Variants in ATF6 observed in about 807,000 individuals in gnomAD.
The protein encoded by ATF6 is activating transcription factor 6, also known as cyclic AMP-dependent transcription factor ATF-6 alpha.
Under a neutral mutation model 83.6 loss-of-function variants are expected in ATF6, and 53 were observed. That is an observed-to-expected ratio of 0.63 (90% CI 0.51 to 0.80). ATF6 has a LOEUF of 0.80. Ranked by LOEUF, ATF6 falls within the 30% of genes least tolerant of loss-of-function variation. ATF6 has a pLI of 0.00. For synonymous variants in ATF6, 288 were observed against 285.8 expected, an observed-to-expected ratio of 1.01 and a Z score of -0.08; for missense variants, 744 against 797.9, an observed-to-expected ratio of 0.93 and a Z score of 0.81.
At chr1:161,791,593 C>T in intron 5 of ATF6, 56 bp downstream of exon 5, 1 of 1,520,088 alleles carries the variant, frequency 6.6e-7, no homozygotes, top group African/African-American at 1.4e-5. Flanking sequence ...GCTTAGGTTC[C>T]ATTTCTTAAA....
chr1:161,815,663 A>G (rs894081538), intron 7 of ATF6, among the ~76,000 whole-genome samples: 3 of 150,958 alleles, frequency 2.0e-5, no homozygotes, highest in Non-Finnish European at 4.4e-5. Context: ...TGATAATTAA[A>G]TTGATAATTA....
intron 14 of ATF6, among the ~76,000 whole-genome samples, chr1:161,887,391 A>G (rs955784927): frequency 3.9e-5 from 6 of 152,128 alleles, no homozygotes; most frequent in Non-Finnish European, 5.9e-5. Flanking sequence ...GAAGCATTTT[A>G]TGATGCTCAC....
chr1:161,838,279 T>A (rs1686270971), intron 9 of ATF6, among the ~76,000 whole-genome samples: 1 of 152,226 alleles, frequency 6.6e-6, no homozygotes, highest in African/African-American at 2.4e-5. Context: ...CACACACCTT[T>A]TATATTAAAC....
intron 1 of ATF6, among the ~76,000 whole-genome samples, chr1:161,773,000 C>T (rs1464919948): frequency 2.3e-5 from 3 of 127,712 alleles, no homozygotes; most frequent in African/African-American, 8.9e-5. Flanking sequence ...CAGAGTCTTG[C>T]TCTGTTGCCC....
chr1:161,791,273 A>T (rs773869088), intron 4 of ATF6, 135 bp from the exon 5 acceptor site: 6 of 573,004 alleles, frequency 1.0e-5, no homozygotes, highest in Non-Finnish European at 1.7e-5. Context: ...TAATATATAT[A>T]TACAGTTTCT....
intron 7 of ATF6, among the ~76,000 whole-genome samples, chr1:161,817,364 G>A (rs1685636228): frequency 6.6e-6 from 1 of 152,124 alleles, no homozygotes; most frequent in Admixed American, 6.5e-5. Flanking sequence ...CAGCACTCTA[G>A]TATTAATTAT....
At chr1:161,878,140 G>A (rs1353197379) in intron 14 of ATF6, among the ~76,000 whole-genome samples, 1 of 151,996 alleles carries the variant, frequency 6.6e-6, no homozygotes, top group Admixed American at 6.6e-5. Context: ...TTGGAGACGA[G>A]TCTTATTCCA....
chr1:161,785,833 C>T (rs1313597023), intron 4 of ATF6, among the ~76,000 whole-genome samples: 1 of 152,088 alleles, frequency 6.6e-6, no homozygotes, highest in Admixed American at 6.5e-5. Flanking sequence ...GCCTGTTTTC[C>T]CATCATCACT....
At chr1:161,841,683 G>A (rs750053614) in intron 9 of ATF6, among the ~76,000 whole-genome samples, 4 of 152,096 alleles carry the variant, frequency 2.6e-5, no homozygotes, top group African/African-American at 4.8e-5. Flanking sequence ...TTTTTGTGAA[G>A]CTCATTGAAT....
intron 14 of ATF6, among the ~76,000 whole-genome samples, chr1:161,873,817 T>A (rs1687161142): frequency 6.6e-6 from 1 of 151,640 alleles, no homozygotes; most frequent in African/African-American, 2.4e-5. Context: ...ACCCTCTATC[T>A]TAGTCATGAC....
chr1:161,877,915 A>AT (rs1687248482), intron 14 of ATF6, among the ~76,000 whole-genome samples: 1 of 152,052 alleles, frequency 6.6e-6, no homozygotes, highest in Admixed American at 6.6e-5. Context: ...AAGGACTATC[A>AT]TTTTTTACTA....
At chr1:161,784,364 T>C (rs1684700150) in intron 4 of ATF6, among the ~76,000 whole-genome samples, 1 of 152,232 alleles carries the variant, frequency 6.6e-6, no homozygotes, top group Non-Finnish European at 1.5e-5. Context: ...AGTATTTGTT[T>C]ATTGGCTTAC....
intron 15 of ATF6, among the ~76,000 whole-genome samples, chr1:161,920,730 C>T (rs909203231): frequency 6.6e-6 from 1 of 151,722 alleles, no homozygotes; most frequent in Non-Finnish European, 1.5e-5. Context: ...TTGGCCTTTC[C>T]CAGATGATCA....
intron 14 of ATF6, among the ~76,000 whole-genome samples, chr1:161,880,121 G>C (rs906812577): frequency 9.9e-5 from 15 of 151,986 alleles, no homozygotes; most frequent in Admixed American, 9.8e-4. Flanking sequence ...TGAGTGGCTG[G>C]TTTGAATCTA....
At chr1:161,829,531 T>G (rs1685994964) in intron 9 of ATF6, among the ~76,000 whole-genome samples, 1 of 152,138 alleles carries the variant, frequency 6.6e-6, no homozygotes, top group African/African-American at 2.4e-5. Context: ...ATATCCCTGA[T>G]GAACATCGAT....
chr1:161,892,578 T>G (rs1163045957), intron 14 of ATF6, among the ~76,000 whole-genome samples: 1 of 152,150 alleles, frequency 6.6e-6, no homozygotes, highest in Non-Finnish European at 1.5e-5. Context: ...CTCTTAGATA[T>G]TTCTTAAAGT....
At chr1:161,792,995 G>A (rs1031939731) in intron 6 of ATF6, among the ~76,000 whole-genome samples, 1 of 152,160 alleles carries the variant, frequency 6.6e-6, no homozygotes, top group African/African-American at 2.4e-5. Context: ...TACTCATACT[G>A]ATATCTGTAT....
intron 2 of ATF6, among the ~76,000 whole-genome samples, chr1:161,780,899 T>A (rs1486105460): frequency 6.6e-6 from 1 of 152,000 alleles, no homozygotes; most frequent in East Asian, 1.9e-4. Flanking sequence ...TTTTCTTAGG[T>A]AGAGATGGGT....
chr1:161,920,316 A>T (rs1449691744), intron 15 of ATF6, among the ~76,000 whole-genome samples: 1 of 3,028 alleles, frequency 3.3e-4, no homozygotes, highest in African/African-American at 5.4e-3. Flanking sequence ...TTTTTTTGAG[A>T]CAGAGTCTCG....
Sources: gnomAD v4.1 joint callset for allele counts (sites outside exome capture counted in the v4.1 genomes callset) on GRCh38, gnomAD v4.1.1 for gene constraint, MANE v1.5 for transcripts, NCBI Gene and HGNC (gene_info 2026-07-23, HGNC 2026-07-21) for gene names.